DEPDC5: variants seen among roughly 807,000 people sequenced by gnomAD.
DEPDC5 encodes DEP domain containing 5, GATOR1 subcomplex subunit.
Under a neutral mutation model 217.3 loss-of-function variants are expected in DEPDC5, and 73 were observed. That is an observed-to-expected ratio of 0.34 (90% CI 0.28 to 0.41). The LOEUF (loss-of-function observed/expected upper bound fraction) is 0.41. Ranked by LOEUF, DEPDC5 falls within the 10% of genes least tolerant of loss-of-function variation. DEPDC5 has a pLI of 1.00. For synonymous variants in DEPDC5, 733 were observed against 756.7 expected, an observed-to-expected ratio of 0.97 and a Z score of 0.51; for missense variants, 1,675 against 2,070.1, an observed-to-expected ratio of 0.81 and a Z score of 3.70.
At chr22:31,891,140 GTT>G in intron 38 of DEPDC5, 1 of 472,598 alleles carries the variant, frequency 2.1e-6, no homozygotes, top group East Asian at 5.6e-5. Context: ...AGCAAGGAAT[GTT>G]TTTATTTTTT....
chr22:31,906,917 C>G lies in DEPDC5; in HGVS notation c.*420C>G. 3.6e-6 allele frequency: 1 copy of G among 277,082 alleles called. No homozygotes were observed. Among genetic ancestry groups the G allele is most frequent in the Admixed American group, 4.9e-5 (1 of 20,532 alleles). 17.2% of individuals were successfully genotyped at this position (277,082 alleles called of 1,614,324 possible). A position where few individuals can be genotyped will look rare whatever the true frequency, so the allele number is the denominator to read the frequency against. On this transcript the variant is annotated 3_prime_UTR_variant, in exon 43 of 43. Coordinates refer to ENST00000651528, the MANE Select transcript of DEPDC5 (RefSeq NM_001242896.3). The surrounding 1 kb of genome is among the most constrained non-coding windows in gnomAD (Gnocchi z 5.1). Reference sequence around the variant, plus strand: ...GCCACTTCTTGCCCAGGAGTGTGCACAGATGTAAGATAATTTTGTGAAATA... The same window carrying G: ...GCCACTTCTTGCCCAGGAGTGTGCAGAGATGTAAGATAATTTTGTGAAATA...
chr22:31,836,713 A>C, intron 25 of DEPDC5: 1 of 468,698 alleles, frequency 2.1e-6, no homozygotes, highest in South Asian at 3.3e-5. Context: ...GCTCACAGTC[A>C]GCAGAAAATG....
chr22:31,772,076 TAA>T (rs1247429829), intron 7 of DEPDC5, among the ~76,000 whole-genome samples: 3 of 151,102 alleles, frequency 2.0e-5, no homozygotes, highest in Non-Finnish European at 3.0e-5. Flanking sequence ...AAAATAACAA[TAA>T]AAAAAAGAAC....
At chr22:31,765,922 C>T (rs2082774527) in intron 5 of DEPDC5, among the ~76,000 whole-genome samples, 1 of 152,148 alleles carries the variant, frequency 6.6e-6, no homozygotes, top group Non-Finnish European at 1.5e-5. Context: ...ACTCGGGAGG[C>T]TGAGGCATGA....
At position 31,837,081 on chromosome 22, in the gene DEPDC5, C is replaced by A; in HGVS notation, c.2280C>A (p.Phe760Leu). The change falls in exon 26 of 43, where the codon TTC (phenylalanine) becomes TTA (leucine). Residue 760 changes from phenylalanine to leucine, a missense_variant. Around this residue, in one of 11 missense-constraint regions of DEPDC5, gnomAD observed 293 missense variants for 386.1 expected, o/e 0.76. Coordinates refer to ENST00000651528, the MANE Select transcript of DEPDC5 (RefSeq NM_001242896.3). ...PACLPLTTDY[F>L]PDRQGLQNDY... ...GCCTCCCCCTTACCACCGACTACTT[C>A]CCTGACCGCCAGGGCCTGCAGAATG... is the stretch of plus-strand genomic sequence containing the variant. 6.2e-7 allele frequency: 1 copy of A among 1,614,196 alleles called. No homozygotes were observed. Among genetic ancestry groups the A allele is most frequent in the South Asian group, 1.1e-5 (1 of 91,088 alleles).
chr22:31,899,712 A>G (rs1190028445), intron 40 of DEPDC5, among the ~76,000 whole-genome samples: 4 of 152,054 alleles, frequency 2.6e-5, no homozygotes, highest in Admixed American at 1.3e-4. Context: ...TAGTTGCCCT[A>G]AATCCTCAAA....
chr22:31,778,052 TTG>T lies in DEPDC5; in HGVS notation c.414-46_414-45del, dbSNP rs766988893. 1.4e-5 allele frequency: 22 copies of T among 1,602,118 alleles called. No individual in the cohort carries two copies. The African/African-American group carries it at 2.7e-4, about 20-fold the overall frequency. On this transcript the variant is annotated intron_variant, in intron 7 of 42. Coordinates refer to ENST00000651528, the MANE Select transcript of DEPDC5 (RefSeq NM_001242896.3). The stretch of plus-strand genomic sequence containing the variant: ...CGTGAGCTATTGCACCAGGCATGTA[TTG>T]GTTTCATGTAAGACTTGTAATAACT...
At chr22:31,801,550 T>C (rs1360944785) in intron 14 of DEPDC5, among the ~76,000 whole-genome samples, 2 of 152,196 alleles carry the variant, frequency 1.3e-5, no homozygotes, top group East Asian at 3.8e-4. Context: ...ACTGTAAGGA[T>C]ACAGAGGCTT....
In DEPDC5 at chr22:31,815,211, A is replaced by T; in HGVS notation, c.1665A>T (p.Arg555=). 2.5e-6 allele frequency: 4 copies of T among 1,614,086 alleles called. No homozygotes were observed. The highest frequency in any genetic ancestry group is 3.4e-6 in the Non-Finnish European group (4 of 1,179,980). The change falls in exon 21 of 43, where the codon CGA becomes CGT. Residue 555 remains arginine, a splice_region_variant and synonymous_variant. Transcript: ENST00000651528. ...VSSSLGYTST[R]DVLENMMEPP... ...GCTCCTTGGGATACACCAGCACTCG[A>T]GGTAAGAGTGCTGAAGCACAGACAG...
In DEPDC5 at chr22:31,838,688, G is replaced by A. The variant is rs1462755261; in HGVS notation, c.2358G>A (p.Arg786=). Reference sequence around the variant, plus strand: ...AGCAATCATCTGTTGTTTTCAGGAGGGACGAAGATGGTGTGCAGATGACAG... The same window carrying A: ...AGCAATCATCTGTTGTTTTCAGGAGAGACGAAGATGGTGTGCAGATGACAG... ...DLLPEADIDR[R]DEDGVQMTAQ... The change falls in exon 27 of 43, where the codon AGG becomes AGA. Residue 786 remains arginine (R), a synonymous_variant. Transcript: ENST00000651528. The A allele has an allele frequency of 8.7e-6, 14 of 1,613,886 alleles. No homozygotes were observed. The highest frequency in any genetic ancestry group is 1.2e-5 in the Non-Finnish European group (14 of 1,179,880).
At chr22:31,816,446 T>A (rs2089140165) in intron 21 of DEPDC5, 1 of 152,170 alleles carries the variant, frequency 6.6e-6, no homozygotes, top group East Asian at 1.9e-4. Flanking sequence ...TTTCTTTTTT[T>A]CTGAGACAGA....
intron 2 of DEPDC5, 94 bp downstream of exon 2, chr22:31,755,073 T>G: frequency 6.8e-7 from 1 of 1,474,894 alleles, no homozygotes; most frequent in Non-Finnish European, 9.4e-7. Flanking sequence ...GTGTGACAAT[T>G]GAGGCTAAAC....
intron 25 of DEPDC5, among the ~76,000 whole-genome samples, chr22:31,835,518 G>C (rs1343021775): frequency 9.2e-5 from 14 of 152,186 alleles, no homozygotes. Context: ...TGTGTGCCCA[G>C]CAGAAAGCAT....
In DEPDC5 at chr22:31,906,143, C is replaced by A. The variant is rs115755463; in HGVS notation, c.4520-62C>A. ...CACCAAGCCTATGGCTGCAGAACCA[C>A]CTCAGCAGGCTCCAGGAGCCCTCCT... is the stretch of plus-strand genomic sequence containing the variant. On this transcript the variant is annotated intron_variant, in intron 42 of 42. Transcript: ENST00000651528. The surrounding 1 kb of genome is among the most constrained non-coding windows in gnomAD (Gnocchi z 5.1). 3,259 of 1,613,294 alleles carry A rather than the reference C, an allele frequency of 2.0e-3. 41 individuals are homozygous for A. In the African/African-American group the frequency reaches 0.033, roughly 16 times the overall value.
chr22:31,860,979 G>A (rs973728836), intron 32 of DEPDC5, among the ~76,000 whole-genome samples: 1 of 152,106 alleles, frequency 6.6e-6, no homozygotes, highest in Admixed American at 6.5e-5. Context: ...GCATAGGTCT[G>A]AAGGAATTTC....
Position 31,823,871 on chromosome 22 carries a change from C to T in DEPDC5, c.2104+1081C>T, listed in dbSNP as rs74593802. Among the ~76,000 whole-genome samples, 986 of 152,188 alleles carry T rather than the reference C, an allele frequency of 6.5e-3. 10 individuals carry two copies. The highest frequency in any genetic ancestry group is 0.022 in the African/African-American group (912 of 41,516). ...GCTGTCCTCTTTTCGTGACATTGTT[C>T]AGAGTACCTTTAAGGGATAGAGTAA... On this transcript the variant is annotated intron_variant, in intron 24 of 42. Transcript: ENST00000651528.
At chr22:31,815,326 C>A (rs1179789008) in intron 21 of DEPDC5, 114 bp downstream of exon 21, 4 of 1,092,634 alleles carry the variant, frequency 3.7e-6, no homozygotes, top group Non-Finnish European at 5.5e-6. Context: ...TTAATGATTT[C>A]TTTGCCAGTG....
chr22:31,754,259 GCTGTGTGAC>G (rs2075127960), intron 1 of DEPDC5, 95 bp downstream of exon 1: 1 of 153,800 alleles, frequency 6.5e-6, no homozygotes, highest in Non-Finnish European at 1.4e-5. Context: ...TCCCCATTCC[GCTGTGTGAC>G]CTTGGACAAG....
chr22:31,768,885 C>T (rs1884376718), intron 7 of DEPDC5, 22 bp downstream of exon 7: 2 of 1,612,934 alleles, frequency 1.2e-6, no homozygotes, highest in South Asian at 1.1e-5. Flanking sequence ...ATCACTCTTG[C>T]CTTATCTGTG....
Sources: gnomAD v4.1 joint callset for allele counts (sites outside exome capture counted in the v4.1 genomes callset) on GRCh38, gnomAD v4.1.1 for gene constraint, gnomAD v4.1.1 regional missense constraint, Gnocchi (gnomAD v3.1) non-coding constraint, MANE v1.5 for transcripts, NCBI Gene and HGNC (gene_info 2026-07-23, HGNC 2026-07-21) for gene names.